Variants in MAST4 observed in about 807,000 individuals in gnomAD.
The protein encoded by MAST4 is microtubule associated serine/threonine kinase family member 4.
Under a neutral mutation model 162.7 loss-of-function variants are expected in MAST4, and 89 were observed. The observed-to-expected ratio is 0.55, with a 90% CI of 0.46 to 0.65. MAST4 has a LOEUF of 0.65. Among genes scored for constraint, MAST4 ranks in the 30% least tolerant of loss-of-function variants. MAST4 has a pLI of 0.00. For synonymous variants in MAST4, 1,479 were observed against 1,361.1 expected (o/e 1.09, Z -1.91); for missense variants, 3,153 against 3,374.0 (o/e 0.93, Z 1.62).
intron 1 of MAST4, among the ~76,000 whole-genome samples, chr5:66,603,686 G>C (rs1742692901): frequency 6.6e-6 from 1 of 152,206 alleles, no homozygotes; most frequent in Admixed American, 6.5e-5. Context: ...CCTTGGAACA[G>C]TATAAACATT....
intron 2 of MAST4, among the ~76,000 whole-genome samples, chr5:66,765,606 A>G (rs1302756832): frequency 6.6e-6 from 1 of 152,292 alleles, no homozygotes; most frequent in East Asian, 1.9e-4. Flanking sequence ...AATTCAGTCT[A>G]TCCTAGTTAG....
At chr5:66,656,891 G>C (rs1054965728) in intron 1 of MAST4, among the ~76,000 whole-genome samples, 7 of 152,132 alleles carry the variant, frequency 4.6e-5, no homozygotes, top group Non-Finnish European at 8.8e-5. Flanking sequence ...CATAATTCTT[G>C]GGTATGTAAT....
chr5:67,116,313 C>G (rs1766906427), intron 12 of MAST4, among the ~76,000 whole-genome samples: 1 of 151,952 alleles, frequency 6.6e-6, no homozygotes, highest in African/African-American at 2.4e-5. Context: ...TCAAGTGATT[C>G]TCCTGCCTCA....
intron 3 of MAST4, among the ~76,000 whole-genome samples, chr5:66,851,094 G>T (rs768339417): frequency 4.6e-5 from 7 of 152,054 alleles, no homozygotes; most frequent in Admixed American, 6.6e-5. Flanking sequence ...TTACAATTTC[G>T]AATGGTTTCA....
In MAST4 at chr5:67,165,589, C is replaced by T. The variant is rs1009572581; in HGVS notation, c.6410C>T (p.Pro2137Leu). The change falls in exon 29 of 29, where the codon CCT (proline) becomes CTT (leucine). Residue 2137 changes from proline (P) to leucine (L), a missense_variant. This residue lies in a region of MAST4 where 1,644 missense variants were observed against 1,495.0 expected (regional missense o/e 1.10). Transcript: ENST00000403625. ...CATCCCAGCAGCATCCCTCCGCCCC[C>T]TCTGACGGCCAAAGACCTGTCCAGC... Reference protein sequence around the residue: ...QRHPSSIPPPPLTAKDLSSPA... With the variant: ...QRHPSSIPPPLLTAKDLSSPA... 1.9e-6 allele frequency: 3 copies of T among 1,613,896 alleles called. No homozygotes were observed. Among genetic ancestry groups the T allele is most frequent in the Non-Finnish European group, 2.5e-6 (3 of 1,179,838 alleles).
At chr5:67,051,832 T>C (rs1374505653) in intron 4 of MAST4, among the ~76,000 whole-genome samples, 1 of 152,212 alleles carries the variant, frequency 6.6e-6, no homozygotes, top group African/African-American at 2.4e-5. Flanking sequence ...CATGTACATA[T>C]GGAAATATAT....
intron 1 of MAST4, among the ~76,000 whole-genome samples, chr5:66,730,015 T>G (rs969604949): frequency 6.6e-6 from 1 of 152,194 alleles, no homozygotes; most frequent in Non-Finnish European, 1.5e-5. Context: ...AGCTGACCAA[T>G]ACGAATGGGA....
intron 4 of MAST4, among the ~76,000 whole-genome samples, chr5:67,016,906 C>A (rs1165398615): frequency 6.6e-6 from 1 of 152,142 alleles, no homozygotes; most frequent in African/African-American, 2.4e-5. Context: ...AAAATTCTTT[C>A]TGATTATGGA....
chr5:66,643,878 G>GTTTTTTTTTTTTT (rs71610525), intron 1 of MAST4, among the ~76,000 whole-genome samples: 4 of 141,966 alleles, frequency 2.8e-5, no homozygotes, highest in South Asian at 2.2e-4. Flanking sequence ...AATAGCTTGT[G>GTTTTTTTTTTTTT]TTTTTTTTTT....
At chr5:66,887,598 T>G (rs1434455116) in intron 3 of MAST4, among the ~76,000 whole-genome samples, 2 of 152,222 alleles carry the variant, frequency 1.3e-5, no homozygotes, top group Non-Finnish European at 2.9e-5. Flanking sequence ...CTGTTTTTAA[T>G]ATGAGGACCC....
intron 3 of MAST4, among the ~76,000 whole-genome samples, chr5:66,807,752 C>T (rs1756272620): frequency 6.6e-6 from 1 of 152,168 alleles, no homozygotes; most frequent in African/African-American, 2.4e-5. Flanking sequence ...TTCCTCCTCG[C>T]CCTCTCCCTA....
intron 1 of MAST4, among the ~76,000 whole-genome samples, chr5:66,719,002 C>T (rs1056461843): frequency 6.6e-6 from 1 of 152,230 alleles, no homozygotes; most frequent in African/African-American, 2.4e-5. Flanking sequence ...ACTAGCATTA[C>T]CTAAGCAACA....
intron 3 of MAST4, among the ~76,000 whole-genome samples, chr5:66,812,563 A>G (rs1401792507): frequency 6.6e-6 from 1 of 152,230 alleles, no homozygotes; most frequent in African/African-American, 2.4e-5. Context: ...CAGAAGAAAC[A>G]TTAATAGCGT....
Position 67,166,091 on chromosome 5 carries a change from G to T in MAST4, c.6912G>T (p.Leu2304Phe). 6.2e-7 allele frequency: 1 copy of T among 1,612,790 alleles called. No homozygotes were observed. Among genetic ancestry groups the T allele is most frequent in the East Asian group, 2.2e-5 (1 of 44,852 alleles). Residue 2304 changes from leucine to phenylalanine, a missense_variant, in exon 29 of 29, where the codon TTG becomes TTT. Coordinates refer to ENST00000403625, the MANE Select transcript of MAST4 (RefSeq NM_001164664.2). ...AGGTGCTGGAGAAGCCTGTGCATTTGCCAAGGCCGGGACACCCAGGGCCTA... is the reference window on the plus strand; with the variant it reads ...AGGTGCTGGAGAAGCCTGTGCATTTTCCAAGGCCGGGACACCCAGGGCCTA... The part of the protein sequence containing the change: ...PLEVLEKPVH[L>F]PRPGHPGPSE...
At chr5:66,886,908 A>G (rs1762076163) in intron 3 of MAST4, among the ~76,000 whole-genome samples, 2 of 151,884 alleles carry the variant, frequency 1.3e-5, no homozygotes, top group South Asian at 2.1e-4. Flanking sequence ...ACTCAGTTGT[A>G]TAGTCTTTCT....
At chr5:66,830,600 A>G (rs1179097628) in intron 3 of MAST4, among the ~76,000 whole-genome samples, 1 of 152,184 alleles carries the variant, frequency 6.6e-6, no homozygotes, top group Admixed American at 6.5e-5. Context: ...ATAACAACAT[A>G]AAAGTGCTTG....
At chr5:66,931,243 A>G (rs935470124) in intron 4 of MAST4, among the ~76,000 whole-genome samples, 2 of 152,152 alleles carry the variant, frequency 1.3e-5, no homozygotes, top group African/African-American at 4.8e-5. Context: ...CTCACTGAAT[A>G]TGTTTATCCT....
chr5:66,614,806 A>G (rs772208644), intron 1 of MAST4, among the ~76,000 whole-genome samples: 17 of 152,248 alleles, frequency 1.1e-4, no homozygotes, highest in Middle Eastern at 3.4e-3. Flanking sequence ...ACATGCAGGG[A>G]GAGATCTATA....
chr5:67,108,201 A>G (rs1298454769), intron 10 of MAST4, among the ~76,000 whole-genome samples: 1 of 152,372 alleles, frequency 6.6e-6, no homozygotes, highest in Non-Finnish European at 1.5e-5. Context: ...ATTAAGACAC[A>G]AAATTCTCAT....
Sources: allele counts gnomAD v4.1 joint callset (sites outside exome capture counted in the v4.1 genomes callset), GRCh38; gene constraint gnomAD v4.1.1; regional missense constraint gnomAD v4.1.1; transcripts MANE v1.5; gene names NCBI Gene and HGNC (gene_info 2026-07-23, HGNC 2026-07-21).